The following NFIX variants were observed in gnomAD, a reference collection of about 807,000 sequenced individuals.
NFIX encodes the protein nuclear factor I X, also known as nuclear factor 1 X-type.
Under a neutral mutation model 53.3 loss-of-function variants are expected in NFIX, and 2 were observed. That is an observed-to-expected ratio of 0.04 (90% CI 0.02 to 0.12). NFIX has a LOEUF of 0.12. Among genes scored for constraint, NFIX ranks in the 10% least tolerant of loss-of-function variants. The probability of loss-of-function intolerance (pLI) is 1.00; values close to 1 mark genes in which losing one functional copy is unlikely to be tolerated. For synonymous variants in NFIX, 244 were observed against 289.0 expected, an observed-to-expected ratio of 0.84 and a Z score of 1.58; for missense variants, 310 against 674.5, an observed-to-expected ratio of 0.46 and a Z score of 5.99.
In NFIX at chr19:13,095,227, C is replaced by T. The variant is rs1339193141; in HGVS notation, c.*578C>T. 7.6e-6 allele frequency: 1 copy of T among 131,358 alleles called. No homozygotes were observed. The highest frequency in any genetic ancestry group is 2.8e-5 in the African/African-American group (1 of 36,092). 8.1% of individuals were successfully genotyped at this position (131,358 alleles called of 1,614,324 possible). A position where few individuals can be genotyped will look rare whatever the true frequency, so the allele number is the denominator to read the frequency against. On this transcript the variant is annotated 3_prime_UTR_variant, in exon 11 of 11. Coordinates refer to ENST00000592199, the MANE Select transcript of NFIX (RefSeq NM_001365902.3). ...TCCCTCTCTGCCAAGGCTCCAGCTT[C>T]TTCCCCCAGCTGCTCCCGACCAGGA...
intron 10 of NFIX, among the ~76,000 whole-genome samples, chr19:13,092,475 G>A (rs1428540570): frequency 6.6e-6 from 1 of 152,224 alleles, no homozygotes; most frequent in Non-Finnish European, 1.5e-5. Context: ...AGCATTGGCA[G>A]TTGTCCCCAA....
chr19:13,078,572 C>A lies in NFIX; in HGVS notation c.956-41C>A. 1.3e-6 allele frequency: 2 copies of A among 1,571,104 alleles called. No individual in the cohort carries two copies. Among genetic ancestry groups the A allele is most frequent in the Non-Finnish European group, 8.6e-7 (1 of 1,156,644 alleles). ...CCCGCCTTCCCCGCACCCACCCCAG[C>A]CCAGCTAAACCTGCCCTGTGTTGCT... is the stretch of plus-strand genomic sequence containing the variant. On this transcript the variant is annotated intron_variant, in intron 6 of 10. Coordinates refer to ENST00000592199, the MANE Select transcript of NFIX (RefSeq NM_001365902.3). This position sits in a 1 kb window ranked among gnomAD's most constrained non-coding sequence, Gnocchi z 4.7.
rs1599778683 is a variant in NFIX, at chr19:13,045,732, G to A, written c.559+20180G>A. On this transcript the variant is annotated intron_variant, in intron 2 of 10. Transcript: ENST00000592199. The surrounding 1 kb of genome is among the most constrained non-coding windows in gnomAD (Gnocchi z 4.4). ...TCAGGGGACCACAGGCTGTGGTTGC[G>A]CCTGTCCGTTCTCCCTCCCTTTTCT... Among the ~76,000 whole-genome samples the A allele has an allele frequency of 6.6e-6, 1 of 152,136 alleles. No individual in the cohort carries two copies. The highest frequency in any genetic ancestry group is 2.4e-5 in the African/African-American group (1 of 41,420).
rs2018465665 is a variant in NFIX at position 13,096,455 on chromosome 19, G to A, written c.*1806G>A. 1 of 152,232 alleles carries A rather than the reference G, an allele frequency of 6.6e-6. No homozygotes were observed. Among genetic ancestry groups the A allele is most frequent in the Admixed American group, 6.5e-5 (1 of 15,286 alleles). 9.4% of individuals were successfully genotyped at this position (152,232 alleles called of 1,614,324 possible). On this transcript the variant is annotated 3_prime_UTR_variant, in exon 11 of 11. Coordinates refer to ENST00000592199, the MANE Select transcript of NFIX (RefSeq NM_001365902.3). ...CCTGCTACCCAGCTGGAAGCCACAA[G>A]GTGGCTGGCTCCAGGGGCGGCTTTT...
rs1229268286 is a variant in NFIX at position 13,073,474 on chromosome 19, G to A, written c.675G>A (p.Thr225=). ...CFVTSGVWNV[T]ELVRVSQTPV... is the part of the protein sequence containing the mutation. ...TGACTTCCGGGGTCTGGAATGTGAC[G>A]GAGCTGGTGAGAGTATCACAGAGTA... Residue 225 remains threonine, a synonymous_variant, in exon 4 of 11, where the codon ACG becomes ACA. Coordinates refer to ENST00000592199, the MANE Select transcript of NFIX (RefSeq NM_001365902.3). The surrounding 1 kb of genome is among the most constrained non-coding windows in gnomAD (Gnocchi z 4.5). 3.3e-5 allele frequency: 53 copies of A among 1,613,794 alleles called. No individual in the cohort carries two copies. The highest frequency in any genetic ancestry group is 1.5e-4 in the Admixed American group (9 of 60,002).
chr19:13,029,088 T>C (rs2013597483), intron 2 of NFIX, among the ~76,000 whole-genome samples: 1 of 152,214 alleles, frequency 6.6e-6, no homozygotes, highest in Non-Finnish European at 1.5e-5. Context: ...AACTCTTTAA[T>C]GATGGAGAGC....
intron 1 of NFIX, among the ~76,000 whole-genome samples, chr19:13,015,998 G>C (rs999919510): frequency 6.6e-6 from 1 of 152,180 alleles, no homozygotes; most frequent in Non-Finnish European, 1.5e-5. Context: ...GAACTGTATA[G>C]CTTAAAAATT....
chr19:13,077,515 TATCAG>T, intron 6 of NFIX, among the ~76,000 whole-genome samples: 1 of 152,264 alleles, frequency 6.6e-6, no homozygotes, highest in South Asian at 2.1e-4. Context: ...CTGTGCCAGC[TATCAG>T]GTGGCACACA....
Position 13,005,677 on chromosome 19 carries a change from C to T in NFIX, c.27+9813C>T, listed in dbSNP as rs2011975443. Among the ~76,000 whole-genome samples, 1 of 152,180 alleles carries T rather than the reference C, an allele frequency of 6.6e-6. No homozygotes were observed. Among genetic ancestry groups the T allele is most frequent in the South Asian group, 2.1e-4 (1 of 4,836 alleles). On this transcript the variant is annotated intron_variant, in intron 1 of 10. Transcript: ENST00000592199. The surrounding 1 kb of genome is among the most constrained non-coding windows in gnomAD (Gnocchi z 4.7). Reference sequence around the variant, plus strand: ...TTCAAGATCGTCACCACCCTAAATCCTGCCGATGGGACAAAATTGCAGCTT... The same window carrying T: ...TTCAAGATCGTCACCACCCTAAATCTTGCCGATGGGACAAAATTGCAGCTT...
At position 13,040,215 on chromosome 19, in the gene NFIX, C is replaced by G. The variant is rs1186365474; in HGVS notation, c.559+14663C>G. Among the ~76,000 whole-genome samples the G allele has an allele frequency of 6.6e-6, 1 of 152,244 alleles. No individual in the cohort carries two copies. The highest frequency in any genetic ancestry group is 1.5e-5 in the Non-Finnish European group (1 of 68,040). ...CCTGCCCCCGCTGAGTACCTTGTTA[C>G]AGGGGCTACTGCTTGGTGGGCTCAG... On this transcript the variant is annotated intron_variant, in intron 2 of 10. Transcript: ENST00000592199. The surrounding 1 kb of genome is among the most constrained non-coding windows in gnomAD (Gnocchi z 4.2).
chr19:13,084,572 T>A (rs758755090), intron 8 of NFIX, among the ~76,000 whole-genome samples: 1 of 152,222 alleles, frequency 6.6e-6, no homozygotes, highest in African/African-American at 2.4e-5. Context: ...GGAGACACTA[T>A]GCAGAGGAGA....
At position 13,089,066 on chromosome 19, in the gene NFIX, G is replaced by A. The variant is rs973344374; in HGVS notation, c.1402+930G>A. ...GGTGGCCCATCTCACACTGCTCTCC[G>A]CTCGCTTTGTCTCTCCTCCTTTCTC... On this transcript the variant is annotated intron_variant, in intron 9 of 10. Coordinates refer to ENST00000592199, the MANE Select transcript of NFIX (RefSeq NM_001365902.3). The surrounding 1 kb of genome is among the most constrained non-coding windows in gnomAD (Gnocchi z 4.8). Among the ~76,000 whole-genome samples the A allele has an allele frequency of 1.8e-4, 28 of 152,204 alleles. No individual in the cohort carries two copies. The highest frequency in any genetic ancestry group is 5.2e-4 in the Admixed American group (8 of 15,286).
At position 13,005,540 on chromosome 19, in the gene NFIX, G is replaced by A. The variant is rs139524720; in HGVS notation, c.27+9676G>A. Among the ~76,000 whole-genome samples the A allele has an allele frequency of 6.6e-6, 1 of 152,310 alleles. No individual in the cohort carries two copies. Among genetic ancestry groups the A allele is most frequent in the East Asian group, 1.9e-4 (1 of 5,186 alleles). On this transcript the variant is annotated intron_variant, in intron 1 of 10. Transcript: ENST00000592199. The surrounding 1 kb of genome is among the most constrained non-coding windows in gnomAD (Gnocchi z 4.7). The stretch of plus-strand genomic sequence containing the variant: ...TAAGGATCTGAGGAGTTGGTTCACA[G>A]CACACGCTTTAAAACTGTGCTTGAT...
At chr19:13,084,332 T>C (rs986493687) in intron 8 of NFIX, among the ~76,000 whole-genome samples, 1 of 152,104 alleles carries the variant, frequency 6.6e-6, no homozygotes, top group Non-Finnish European at 1.5e-5. Context: ...TAGTCCCAGC[T>C]ACTTGGGAGG....
intron 1 of NFIX, among the ~76,000 whole-genome samples, chr19:13,016,033 A>G (rs1234513803): frequency 1.3e-5 from 2 of 152,180 alleles, no homozygotes; most frequent in African/African-American, 4.8e-5. Context: ...CGGTGCTGAA[A>G]ATGTTTATTT....
intron 5 of NFIX, among the ~76,000 whole-genome samples, chr19:13,074,555 C>T (rs542245314): frequency 2.7e-5 from 4 of 149,462 alleles, no homozygotes; most frequent in South Asian, 2.1e-4. Context: ...TGTGTGTGGG[C>T]GGGACTGATA....
At chr19:13,017,310 C>T (rs1382989559) in intron 1 of NFIX, among the ~76,000 whole-genome samples, 1 of 152,152 alleles carries the variant, frequency 6.6e-6, no homozygotes, top group East Asian at 1.9e-4. Flanking sequence ...GTTTCCTGGG[C>T]AATGATCCTG....
chr19:13,016,303 C>A (rs2145167026), intron 1 of NFIX, among the ~76,000 whole-genome samples: 1 of 152,250 alleles, frequency 6.6e-6, no homozygotes, highest in Middle Eastern at 3.4e-3. Flanking sequence ...AAATAGCGGG[C>A]TGATATAAAA....
At position 13,094,260 on chromosome 19, in the gene NFIX, A is replaced by G. The variant is rs1186695513; in HGVS notation, c.1495-375A>G. Among the ~76,000 whole-genome samples the G allele has an allele frequency of 6.6e-6, 1 of 152,210 alleles. No homozygotes were observed. The highest frequency in any genetic ancestry group is 1.9e-4 in the East Asian group (1 of 5,192). On this transcript the variant is annotated intron_variant, in intron 10 of 10. Transcript: ENST00000592199. This position sits in a 1 kb window ranked among gnomAD's most constrained non-coding sequence, Gnocchi z 4.3. Reference sequence around the variant, plus strand: ...ATTCCTAAAACCCCTCTGGGTACAAAAGCCCCAGCCTGGCATCTTCCCCAC... The same window carrying G: ...ATTCCTAAAACCCCTCTGGGTACAAGAGCCCCAGCCTGGCATCTTCCCCAC...
Sources: gnomAD v4.1 joint callset for allele counts (sites outside exome capture counted in the v4.1 genomes callset) on GRCh38, gnomAD v4.1.1 for gene constraint, Gnocchi (gnomAD v3.1) non-coding constraint, MANE v1.5 for transcripts, NCBI Gene and HGNC (gene_info 2026-07-23, HGNC 2026-07-21) for gene names.